Variants in NEGR1 observed in about 807,000 individuals in gnomAD.
NEGR1 encodes the protein neuronal growth regulator 1, also known as IgLON family member 4.
Under a neutral mutation model 40.9 loss-of-function variants are expected in NEGR1, and 10 were observed. The observed-to-expected ratio is 0.24, with a 90% confidence interval of 0.15 to 0.42. The LOEUF is 0.42. Ranked by LOEUF, NEGR1 falls within the 10% of genes least tolerant of loss-of-function variation. The pLI, the probability that NEGR1 is intolerant of heterozygous loss-of-function variation, is 1.00. For synonymous variants in NEGR1, 185 were observed against 166.8 expected, an observed-to-expected ratio of 1.11 and a Z score of -0.84; for missense variants, 352 against 438.9, an observed-to-expected ratio of 0.80 and a Z score of 1.77.
chr1:71,939,961 G>A (rs899833982), intron 1 of NEGR1, among the ~76,000 whole-genome samples: 2 of 152,140 alleles, frequency 1.3e-5, no homozygotes, highest in Non-Finnish European at 2.9e-5. Flanking sequence ...AACAAAGCCA[G>A]TTGGCTTGCA....
chr1:71,635,068 G>C (rs1179950642), intron 4 of NEGR1, among the ~76,000 whole-genome samples: 7 of 152,012 alleles, frequency 4.6e-5, no homozygotes, highest in African/African-American at 1.4e-4. Context: ...GTAGAAGAGA[G>C]ACCTGCAGAA....
At chr1:71,996,232 A>G (rs953660510) in intron 1 of NEGR1, among the ~76,000 whole-genome samples, 1 of 152,176 alleles carries the variant, frequency 6.6e-6, no homozygotes, top group Non-Finnish European at 1.5e-5. Flanking sequence ...TAGATAAAAC[A>G]TACTTTCTAT....
intron 3 of NEGR1, among the ~76,000 whole-genome samples, chr1:71,704,376 C>G (rs1407573666): frequency 1.3e-5 from 2 of 151,820 alleles, no homozygotes; most frequent in Non-Finnish European, 2.9e-5. Context: ...TTTAAAAGAT[C>G]ACTAAAATGG....
intron 3 of NEGR1, among the ~76,000 whole-genome samples, chr1:71,759,738 T>C (rs1200578732): frequency 1.3e-5 from 2 of 149,778 alleles, no homozygotes; most frequent in Non-Finnish European, 3.0e-5. Context: ...GCCTCCCAAG[T>C]AGCTGGGATT....
chr1:71,567,347 G>T (rs1648652450), intron 6 of NEGR1, among the ~76,000 whole-genome samples: 1 of 152,048 alleles, frequency 6.6e-6, no homozygotes, highest in African/African-American at 2.4e-5. Flanking sequence ...CTGAGTATTA[G>T]AAAAATGTCT....
At chr1:71,507,715 G>A (rs978112567) in intron 6 of NEGR1, among the ~76,000 whole-genome samples, 1 of 152,136 alleles carries the variant, frequency 6.6e-6, no homozygotes, top group African/African-American at 2.4e-5. Flanking sequence ...ATTTGGCCTG[G>A]TGAAAAATAT....
intron 1 of NEGR1, among the ~76,000 whole-genome samples, chr1:72,248,118 C>A (rs1654961302): frequency 6.6e-6 from 1 of 152,104 alleles, no homozygotes; most frequent in Non-Finnish European, 1.5e-5. Flanking sequence ...ACCCAAACAC[C>A]TCTCACCAGC....
chr1:71,557,025 G>A (rs1648275972), intron 6 of NEGR1, among the ~76,000 whole-genome samples: 1 of 151,566 alleles, frequency 6.6e-6, no homozygotes, highest in Non-Finnish European at 1.5e-5. Context: ...GCTATGAGTT[G>A]GAATGGTTTT....
intron 2 of NEGR1, among the ~76,000 whole-genome samples, chr1:71,806,541 C>T (rs1657777602): frequency 6.6e-6 from 1 of 151,360 alleles, no homozygotes; most frequent in Non-Finnish European, 1.5e-5. Flanking sequence ...CTTTCTTTAC[C>T]TACAGGTTCC....
At chr1:71,614,163 GA>G (rs1025559760) in intron 4 of NEGR1, among the ~76,000 whole-genome samples, 13 of 122,470 alleles carry the variant, frequency 1.1e-4, no homozygotes, top group Non-Finnish European at 1.6e-4. Context: ...ATAAATTGGT[GA>G]AAAAAATGAA....
At chr1:71,468,614 G>A (rs971640969) in intron 6 of NEGR1, 1 of 151,950 alleles carries the variant, frequency 6.6e-6, no homozygotes, top group Non-Finnish European at 1.5e-5. Flanking sequence ...CAGCCTGCTG[G>A]CATGTGAAAT....
At chr1:71,492,873 A>G (rs1287650455) in intron 6 of NEGR1, among the ~76,000 whole-genome samples, 1 of 152,170 alleles carries the variant, frequency 6.6e-6, no homozygotes, top group Non-Finnish European at 1.5e-5. Context: ...TCTGTAAGGC[A>G]TCCCCTATTG....
chr1:72,014,425 T>A (rs1156965000), intron 1 of NEGR1, among the ~76,000 whole-genome samples: 1 of 152,038 alleles, frequency 6.6e-6, no homozygotes, highest in Non-Finnish European at 1.5e-5. Flanking sequence ...AATTTCTGTT[T>A]TTAACTCACT....
chr1:71,806,828 TC>T (rs879599322), intron 2 of NEGR1, among the ~76,000 whole-genome samples: 12 of 151,392 alleles, frequency 7.9e-5, no homozygotes, highest in Non-Finnish European at 1.8e-4. Flanking sequence ...TAAGTTTTAA[TC>T]CCCATCCTAC....
chr1:71,836,588 A>T (rs1659040790), intron 2 of NEGR1, among the ~76,000 whole-genome samples: 2 of 151,952 alleles, frequency 1.3e-5, no homozygotes, highest in South Asian at 4.2e-4. Context: ...GTATATCAAG[A>T]CAACCTAAGA....
At chr1:71,842,884 A>G (rs1411913959) in intron 2 of NEGR1, among the ~76,000 whole-genome samples, 1 of 152,198 alleles carries the variant, frequency 6.6e-6, no homozygotes, top group Non-Finnish European at 1.5e-5. Context: ...TCTCCAATAC[A>G]GAATGTTGTC....
intron 2 of NEGR1, among the ~76,000 whole-genome samples, chr1:71,814,570 T>C (rs763426301): frequency 6.6e-6 from 1 of 152,128 alleles, no homozygotes; most frequent in African/African-American, 2.4e-5. Flanking sequence ...AGGCTATTTA[T>C]TACTGTCTGA....
chr1:71,768,034 T>C (rs1200921341), intron 3 of NEGR1, among the ~76,000 whole-genome samples: 2 of 152,170 alleles, frequency 1.3e-5, no homozygotes, highest in Non-Finnish European at 2.9e-5. Flanking sequence ...AGCCTGGATA[T>C]CCAGGCATCC....
intron 6 of NEGR1, among the ~76,000 whole-genome samples, chr1:71,494,887 C>T (rs557459750): frequency 6.6e-6 from 1 of 152,232 alleles, no homozygotes; most frequent in Admixed American, 6.5e-5. Flanking sequence ...CTGCCTCTGT[C>T]ACCCCTGAGA....
Sources: allele counts gnomAD v4.1 joint callset (sites outside exome capture counted in the v4.1 genomes callset), GRCh38; gene constraint gnomAD v4.1.1; transcripts MANE v1.5; gene names NCBI Gene and HGNC (gene_info 2026-07-23, HGNC 2026-07-21).